Variants in EVA1A observed in about 807,000 individuals in gnomAD.
The protein encoded by EVA1A is eva-1 homolog A, regulator of programmed cell death.
EVA1A carries 7 observed loss-of-function variants against 9.8 expected under a neutral mutation model. That is an observed-to-expected ratio of 0.71 (90% CI 0.41 to 1.34). The LOEUF (loss-of-function observed/expected upper bound fraction) is 1.34. EVA1A is among the 40% of genes most tolerant of loss of function. The pLI is 0.01. For missense variants in EVA1A, 206 were observed against 205.9 expected (o/e 1.00, Z 0.00); for synonymous variants, 90 against 85.6 (o/e 1.05, Z -0.28).
chr2:75,560,407 T>G (rs1018622507), intron 1 of EVA1A, among the ~76,000 whole-genome samples: 2 of 150,750 alleles, frequency 1.3e-5, no homozygotes, highest in African/African-American at 4.9e-5. Context: ...AGGCAGGGAG[T>G]TGAGAGTTGT....
intron 1 of EVA1A, among the ~76,000 whole-genome samples, chr2:75,556,279 G>C (rs1219167660): frequency 6.6e-6 from 1 of 152,112 alleles, no homozygotes; most frequent in East Asian, 1.9e-4. Flanking sequence ...ACGTAAATGG[G>C]GCAAAGTGTA....
At chr2:75,548,518 G>A (rs1033937455) in intron 1 of EVA1A, among the ~76,000 whole-genome samples, 1 of 152,032 alleles carries the variant, frequency 6.6e-6, no homozygotes, top group Admixed American at 6.5e-5. Context: ...GCCTCCACCT[G>A]TAACATCTCT....
intron 1 of EVA1A, chr2:75,542,018 T>A (rs1171459263): frequency 6.6e-6 from 1 of 152,172 alleles, no homozygotes; most frequent in Non-Finnish European, 1.5e-5. Flanking sequence ...GGGAGATGAT[T>A]GAATCATGAG....
intron 3 of EVA1A, among the ~76,000 whole-genome samples, chr2:75,505,935 C>T (rs1329866177): frequency 6.6e-6 from 1 of 151,994 alleles, no homozygotes; most frequent in African/African-American, 2.4e-5. Context: ...TATAAACATG[C>T]ACATACTTAT....
intron 1 of EVA1A, among the ~76,000 whole-genome samples, chr2:75,555,325 CTCTCTCTCTCT>C (rs1676670188): frequency 1.3e-5 from 2 of 148,470 alleles, no homozygotes; most frequent in Non-Finnish European, 1.5e-5. Context: ...CTCTCTCTCT[CTCTCTCTCTCT>C]CCCCCATCTC....
chr2:75,562,865 A>G (rs1406757113), upstream of EVA1A, among the ~76,000 whole-genome samples: 1 of 152,236 alleles, frequency 6.6e-6, no homozygotes, highest in Non-Finnish European at 1.5e-5. Context: ...ACATACAATC[A>G]GTGCTCAGTA....
chr2:75,504,807 G>A (rs1467155882), intron 3 of EVA1A, among the ~76,000 whole-genome samples: 2 of 146,054 alleles, frequency 1.4e-5, no homozygotes, highest in African/African-American at 2.5e-5. Flanking sequence ...GGGGTGGGGG[G>A]CAAGGGGAGG....
intron 1 of EVA1A, among the ~76,000 whole-genome samples, chr2:75,530,567 T>G (rs2103890480): frequency 6.6e-6 from 1 of 152,194 alleles, no homozygotes; most frequent in Non-Finnish European, 1.5e-5. Context: ...ATCAAGTGGG[T>G]TTTATGCCAG....
intron 3 of EVA1A, among the ~76,000 whole-genome samples, chr2:75,512,152 C>T (rs2103825109): frequency 6.6e-6 from 1 of 151,932 alleles, no homozygotes; most frequent in South Asian, 2.1e-4. Context: ...ATATTCAAAT[C>T]ATTAAATTAA....
At chr2:75,536,359 T>TC (rs70937851) in intron 1 of EVA1A, among the ~76,000 whole-genome samples, 21,691 of 149,870 alleles carry the variant, frequency 0.14, 1,623 homozygotes, top group African/African-American at 0.18. Context: ...CAAAAACACC[T>TC]CCCCCCCAAA....
At chr2:75,552,199 A>AG (rs1676549782) in intron 1 of EVA1A, among the ~76,000 whole-genome samples, 1 of 150,618 alleles carries the variant, frequency 6.6e-6, no homozygotes, top group South Asian at 2.1e-4. Context: ...AAAAAAAAAA[A>AG]GTTAGCTTTC....
At chr2:75,529,620 G>A (rs1204400868) in intron 1 of EVA1A, among the ~76,000 whole-genome samples, 1 of 152,170 alleles carries the variant, frequency 6.6e-6, no homozygotes, top group Admixed American at 6.5e-5. Flanking sequence ...CAAATATATG[G>A]AAATTAAGTA....
chr2:75,561,542 G>C (rs1256863840), upstream of EVA1A, among the ~76,000 whole-genome samples: 1 of 151,984 alleles, frequency 6.6e-6, no homozygotes, highest in South Asian at 2.1e-4. Context: ...GAGAGTGATG[G>C]GCGCTCAGCT....
chr2:75,522,416 C>A lies in EVA1A; in HGVS notation c.-120G>T, dbSNP rs1450781252. 6.6e-6 allele frequency: 1 copy of A among 152,150 alleles called. No homozygotes were observed. The highest frequency in any genetic ancestry group is 6.6e-5 in the Admixed American group (1 of 15,266). 9.4% of individuals were successfully genotyped at this position (152,150 alleles called of 1,614,324 possible). ...AGAGAAGTTTCTGGTAAGAACAGTT[C>A]ATCTCTGATGATGTTGGCATCAGCC... On this transcript the variant is annotated 5_prime_UTR_variant, in exon 2 of 4. It removes an upstream start codon present in the reference 5' UTR. Coordinates refer to ENST00000393913, the MANE Select transcript of EVA1A (RefSeq NM_001135032.2).
At chr2:75,514,217 G>A (rs763514455) in intron 3 of EVA1A, among the ~76,000 whole-genome samples, 2 of 152,122 alleles carry the variant, frequency 1.3e-5, no homozygotes, top group Non-Finnish European at 2.9e-5. Flanking sequence ...AAAATGAATC[G>A]ACCCAAACCA....
At chr2:75,503,589 C>T (rs1044873044) in intron 3 of EVA1A, among the ~76,000 whole-genome samples, 1 of 152,168 alleles carries the variant, frequency 6.6e-6, no homozygotes, top group Non-Finnish European at 1.5e-5. Context: ...GCAAGTGCAA[C>T]CTTCTCTCTG....
At chr2:75,501,104 T>C (rs982458945) in intron 3 of EVA1A, among the ~76,000 whole-genome samples, 3 of 151,796 alleles carry the variant, frequency 2.0e-5, no homozygotes, top group African/African-American at 7.3e-5. Flanking sequence ...CCCCAAACTC[T>C]TCCACAGGAG....
At chr2:75,551,026 G>A (rs1052354455) in intron 1 of EVA1A, among the ~76,000 whole-genome samples, 1 of 152,150 alleles carries the variant, frequency 6.6e-6, no homozygotes, top group African/African-American at 2.4e-5. Flanking sequence ...GGGATGCTGA[G>A]GCAGGAGAGT....
intron 1 of EVA1A, among the ~76,000 whole-genome samples, chr2:75,536,792 G>T (rs1393884376): frequency 2.6e-5 from 4 of 151,744 alleles, no homozygotes; most frequent in African/African-American, 9.7e-5. Flanking sequence ...AGCTATTAAA[G>T]AATTGAATTC....
Sources: allele counts gnomAD v4.1 joint callset (sites outside exome capture counted in the v4.1 genomes callset), GRCh38; gene constraint gnomAD v4.1.1; transcripts MANE v1.5; gene names NCBI Gene and HGNC (gene_info 2026-07-23, HGNC 2026-07-21).